The following CATSPERB variants were observed in gnomAD, a reference collection of about 807,000 sequenced individuals.
CATSPERB encodes the protein cation channel sperm-associated auxiliary subunit beta.
In CATSPERB, 93 loss-of-function variants were observed where a neutral mutation model predicts 128.3. The observed-to-expected ratio is 0.72, with a 90% CI of 0.61 to 0.86. The LOEUF (loss-of-function observed/expected upper bound fraction) is 0.86, where lower values mean the gene tolerates loss of function less well. Among genes scored for constraint, CATSPERB ranks in the 40% least tolerant of loss-of-function variants. CATSPERB has a pLI of 0.00. For synonymous variants in CATSPERB, 381 were observed against 448.8 expected, an observed-to-expected ratio of 0.85 and a Z score of 1.91; for missense variants, 1,153 against 1,329.5, an observed-to-expected ratio of 0.87 and a Z score of 2.06.
chr14:91,682,225 A>G (rs1365800205), intron 11 of CATSPERB, among the ~76,000 whole-genome samples: 1 of 152,136 alleles, frequency 6.6e-6, no homozygotes, highest in Non-Finnish European at 1.5e-5. Context: ...TCATCTCATC[A>G]TAAGCCTCAT....
chr14:91,613,408 C>A (rs1893870703), intron 20 of CATSPERB, among the ~76,000 whole-genome samples: 1 of 151,838 alleles, frequency 6.6e-6, no homozygotes, highest in Non-Finnish European at 1.5e-5. Context: ...ATGGAATGAG[C>A]ACGTCTAAAA....
At chr14:91,707,142 C>G (rs548992806) in intron 6 of CATSPERB, among the ~76,000 whole-genome samples, 15 of 152,312 alleles carry the variant, frequency 9.8e-5, no homozygotes, top group Admixed American at 3.9e-4. Flanking sequence ...CTGCCAGCTT[C>G]TCCAAACTCA....
chr14:91,672,022 AAAC>A (rs35442642), intron 13 of CATSPERB, among the ~76,000 whole-genome samples: 2,004 of 150,074 alleles, frequency 0.013, 20 homozygotes, highest in Middle Eastern at 0.044. Flanking sequence ...TCTGTCTCAA[AAAC>A]AACAACAACA....
chr14:91,677,079 G>T (rs1895203766), intron 11 of CATSPERB, among the ~76,000 whole-genome samples: 1 of 152,064 alleles, frequency 6.6e-6, no homozygotes, highest in Non-Finnish European at 1.5e-5. Context: ...AATTCAAGAT[G>T]GATTAAACAC....
chr14:91,683,693 G>A (rs937508514), intron 11 of CATSPERB, among the ~76,000 whole-genome samples, 184 bp downstream of exon 11: 6 of 152,180 alleles, frequency 3.9e-5, no homozygotes, highest in African/African-American at 1.4e-4. Flanking sequence ...ACTGGGACAG[G>A]ACACACAGAC....
chr14:91,683,943 C>A lies in CATSPERB; in HGVS notation c.865G>T (p.Val289Phe), dbSNP rs1316956278. The A allele has an allele frequency of 1.3e-6, 2 of 1,583,022 alleles. No individual in the cohort carries two copies. Among genetic ancestry groups the A allele is most frequent in the Admixed American group, 1.7e-5 (1 of 57,318 alleles). The change falls in exon 11 of 27, where the codon GTT becomes TTT. Residue 289 changes from valine to phenylalanine, a missense_variant and splice_region_variant. Coordinates refer to ENST00000256343, the MANE Select transcript of CATSPERB (RefSeq NM_024764.4). ...SRADFCGFER[V>F]DYVKGKLWYN... is the part of the protein sequence containing the mutation. The stretch of plus-strand genomic sequence containing the variant: ...CACAGTTTTCCTTTCACATAGTCAA[C>A]CTACATAAATAAATAAAATATCACT...
intron 20 of CATSPERB, among the ~76,000 whole-genome samples, chr14:91,616,415 A>C (rs1292256968): frequency 6.6e-6 from 1 of 152,096 alleles, no homozygotes; most frequent in African/African-American, 2.4e-5. Flanking sequence ...TGTGGTTCTC[A>C]TTTACTGAAT....
chr14:91,583,291 T>C (rs879521331), intron 26 of CATSPERB, among the ~76,000 whole-genome samples: 11 of 152,148 alleles, frequency 7.2e-5, no homozygotes, highest in Admixed American at 3.9e-4. Context: ...TGGTGGCGGG[T>C]GCCTGTAGTC....
At chr14:91,729,156 G>A (rs1449329289) in intron 2 of CATSPERB, among the ~76,000 whole-genome samples, 43 of 152,036 alleles carry the variant, frequency 2.8e-4, no homozygotes, top group Admixed American at 2.8e-3. Context: ...TGGCCAAGAT[G>A]GGTGAAACCC....
rs775203748 is a variant in CATSPERB at position 91,610,551 on chromosome 14, T to A, written c.2527A>T (p.Ile843Phe). 13 of 1,613,946 alleles carry A rather than the reference T, an allele frequency of 8.1e-6. No homozygotes were observed. Among genetic ancestry groups the A allele is most frequent in the Non-Finnish European group, 1.1e-5 (13 of 1,180,034 alleles). The change falls in exon 21 of 27, where the codon ATC becomes TTC. Residue 843 changes from isoleucine (I) to phenylalanine (F), a missense_variant. Physicochemically the swap from Ile to Phe is conservative, Grantham distance 21. Transcript: ENST00000256343. ...CCACTAATCCAGTCTTCAAATGGGA[T>A]AAATTTGCTAGGAATGTGATGCATA... ...RSMHHIPSKF[I>F]PFEDWISGVH...
intron 7 of CATSPERB, among the ~76,000 whole-genome samples, chr14:91,697,066 G>T (rs917508183): frequency 6.6e-6 from 1 of 152,108 alleles, no homozygotes; most frequent in Non-Finnish European, 1.5e-5. Flanking sequence ...AGAGTGATAG[G>T]ATTTATAGGC....
intron 21 of CATSPERB, among the ~76,000 whole-genome samples, chr14:91,609,025 G>A (rs996420863): frequency 2.0e-5 from 3 of 152,118 alleles, no homozygotes; most frequent in Admixed American, 1.3e-4. Flanking sequence ...ATTATATGCT[G>A]TATTCTTACA....
chr14:91,594,275 A>G (rs1054825575), intron 22 of CATSPERB, among the ~76,000 whole-genome samples: 1 of 152,100 alleles, frequency 6.6e-6, no homozygotes, highest in African/African-American at 2.4e-5. Context: ...GGAATTGAAC[A>G]ATGAGAACAC....
chr14:91,629,262 A>C (rs897360288), intron 17 of CATSPERB, among the ~76,000 whole-genome samples: 1 of 152,236 alleles, frequency 6.6e-6, no homozygotes, highest in African/African-American at 2.4e-5. Context: ...AAGTACAAGA[A>C]GCCTCTGAAA....
At chr14:91,594,156 G>A (rs907197143) in intron 22 of CATSPERB, among the ~76,000 whole-genome samples, 6 of 152,176 alleles carry the variant, frequency 3.9e-5, no homozygotes, top group African/African-American at 1.2e-4. Flanking sequence ...CATAAAAAAT[G>A]ATGAGTTCAG....
Position 91,680,668 on chromosome 14 carries a change from A to ATAGTCAGTCATACCACC in CATSPERB, c.931+3208_931+3209insGGTGGTATGACTGACTA, listed in dbSNP as rs1261687738. Among the ~76,000 whole-genome samples the ATAGTCAGTCATACCACC allele has an allele frequency of 1.7e-3, 258 of 152,308 alleles. 1 individual carries two copies. The highest frequency in any genetic ancestry group is 2.8e-3 in the Non-Finnish European group (191 of 68,024). ...GGTGTCCCACTGGAGGGCATGACAGACCTGGGAAAGGTAGTCATACCACCC... is the reference window on the plus strand; with the variant it reads ...GGTGTCCCACTGGAGGGCATGACAGATAGTCAGTCATACCACCCCTGGGAAAGGTAGTCATACCACCC... On this transcript the variant is annotated intron_variant, in intron 11 of 26. Transcript: ENST00000256343.
chr14:91,583,954 T>C (rs1383103491), intron 26 of CATSPERB, among the ~76,000 whole-genome samples: 1 of 152,164 alleles, frequency 6.6e-6, no homozygotes, highest in African/African-American at 2.4e-5. Flanking sequence ...GGCATGTTAA[T>C]ACTGGACTGA....
At chr14:91,725,869 C>T (rs532245255) in intron 2 of CATSPERB, among the ~76,000 whole-genome samples, 1 of 152,276 alleles carries the variant, frequency 6.6e-6, no homozygotes, top group East Asian at 1.9e-4. Context: ...TTTGGCCCAC[C>T]ATGGCCCCTA....
At chr14:91,631,622 G>A (rs1180366654) in intron 17 of CATSPERB, among the ~76,000 whole-genome samples, 2 of 152,016 alleles carry the variant, frequency 1.3e-5, no homozygotes, top group African/African-American at 4.8e-5. Context: ...CTGAGATCGC[G>A]CCATTGGACT....
Sources: gnomAD v4.1 joint callset for allele counts (sites outside exome capture counted in the v4.1 genomes callset) on GRCh38, gnomAD v4.1.1 for gene constraint, MANE v1.5 for transcripts, NCBI Gene and HGNC (gene_info 2026-07-23, HGNC 2026-07-21) for gene names.